Variants in THBS1 observed in about 807,000 individuals in gnomAD.
THBS1 encodes thrombospondin 1.
Under a neutral mutation model 126.1 loss-of-function variants are expected in THBS1, and 29 were observed. The observed-to-expected ratio is 0.23, with a 90% CI of 0.17 to 0.31. THBS1 has a LOEUF of 0.31. Among genes scored for constraint, THBS1 ranks in the 10% least tolerant of loss-of-function variants. The probability of loss-of-function intolerance (pLI) is 1.00; values close to 1 mark genes in which losing one functional copy is unlikely to be tolerated. For missense variants in THBS1, 1,198 were observed against 1,545.2 expected, an observed-to-expected ratio of 0.78 and a Z score of 3.77; for synonymous variants, 496 against 577.8, an observed-to-expected ratio of 0.86 and a Z score of 2.03.
chr15:39,586,827 A>G (rs1890216587), intron 7 of THBS1: 1 of 152,286 alleles, frequency 6.6e-6, no homozygotes, highest in African/African-American at 2.4e-5. Flanking sequence ...ATCAATGAAT[A>G]GGAGAGCATA....
chr15:39,582,263 C>T lies in THBS1; in HGVS notation c.138C>T (p.Arg46=). 6.2e-7 allele frequency: 1 copy of T among 1,614,142 alleles called. No individual in the cohort carries two copies. Among genetic ancestry groups the T allele is most frequent in the Non-Finnish European group, 8.5e-7 (1 of 1,180,016 alleles). ...LTGAARKGSG[R]RLVKGPDPSS... ...GGGCCGCCCGCAAGGGGTCTGGGCG[C>T]CGACTGGTGAAGGGCCCCGACCCTT... The change falls in exon 3 of 22, where the codon CGC becomes CGT. Residue 46 remains arginine, a synonymous_variant. Transcript: ENST00000260356.
At position 39,588,073 on chromosome 15, in the gene THBS1, CCCGTGGT is replaced by C; in HGVS notation, c.1328_1334del (p.Pro443HisfsTer5). ...AGGATGGTGGCTGGAGCCACTGGTC[CCCGTGGT>C]CATCTTGTTCTGTGACATGTGGTGA... On this transcript the variant is annotated frameshift_variant, in exon 9 of 22. Transcript: ENST00000260356. LOFTEE classifies it high-confidence loss of function. 6.2e-7 allele frequency: 1 copy of C among 1,614,134 alleles called. No individual in the cohort carries two copies. Among genetic ancestry groups the C allele is most frequent in the Non-Finnish European group, 8.5e-7 (1 of 1,180,008 alleles).
At chr15:39,584,910 G>C (rs1010469222) in intron 6 of THBS1, among the ~76,000 whole-genome samples, 9 of 152,374 alleles carry the variant, frequency 5.9e-5, no homozygotes, top group Non-Finnish European at 1.3e-4. Context: ...CCGCATGCCA[G>C]TGGCCAGTGA....
Position 39,591,547 on chromosome 15 carries a change from T to A in THBS1, c.2456T>A (p.Val819Glu). The A allele has an allele frequency of 6.2e-7, 1 of 1,614,238 alleles. No individual in the cohort carries two copies. Among genetic ancestry groups the A allele is most frequent in the Middle Eastern group, 1.6e-4 (1 of 6,062 alleles). ...ERDNCQYVYN[V>E]DQRDTDMDGV... ...GACAACTGCCAGTACGTCTACAATGTGGACCAGAGAGACACTGATATGGAT... is the reference window on the plus strand; with the variant it reads ...GACAACTGCCAGTACGTCTACAATGAGGACCAGAGAGACACTGATATGGAT... The change falls in exon 16 of 22, where the codon GTG becomes GAG. Residue 819 changes from valine to glutamate, a missense_variant. By Grantham distance (121) the Val-to-Glu change is moderately radical. Coordinates refer to ENST00000260356, the MANE Select transcript of THBS1 (RefSeq NM_003246.4).
At chr15:39,587,258 C>G (rs1299036081) in intron 7 of THBS1, 89 bp from the exon 8 acceptor site, 1 of 1,335,522 alleles carries the variant, frequency 7.5e-7, no homozygotes, top group Non-Finnish European at 1.0e-6. Flanking sequence ...TTTTCACCCT[C>G]TGGCAAGTGG....
intron 7 of THBS1, chr15:39,586,852 T>TCAGCTGTACTGAGCCAGG (rs1462938715): frequency 6.6e-6 from 1 of 152,350 alleles, no homozygotes; most frequent in Non-Finnish European, 1.5e-5. Flanking sequence ...GTGGGAAGGC[T>TCAGCTGTACTGAGCCAGG]CAGCTGTACT....
At position 39,589,148 on chromosome 15, in the gene THBS1, C is replaced by T. The variant is rs1890275339; in HGVS notation, c.1774-54C>T. 2 of 1,612,778 alleles carry T rather than the reference C, an allele frequency of 1.2e-6. No individual in the cohort carries two copies. Among genetic ancestry groups the T allele is most frequent in the Non-Finnish European group, 1.7e-6 (2 of 1,178,872 alleles). ...GGAAAGCAGCTAACCTGTGCAGTCG[C>T]TTCCTTATGGCAGTGACTTCTAAAC... On this transcript the variant is annotated intron_variant, in intron 11 of 21. Coordinates refer to ENST00000260356, the MANE Select transcript of THBS1 (RefSeq NM_003246.4). This position sits in a 1 kb window ranked among gnomAD's most constrained non-coding sequence, Gnocchi z 4.7.
In THBS1 at chr15:39,585,467, C is replaced by T; in HGVS notation, c.1027-3C>T. Reference sequence around the variant, plus strand: ...GTTCCCCTCTCACTCTCTTGCCCTGCAGAACTCAGTTACCATCTGCAAAAA... The same window carrying T: ...GTTCCCCTCTCACTCTCTTGCCCTGTAGAACTCAGTTACCATCTGCAAAAA... On this transcript the variant is annotated splice_region_variant and splice_polypyrimidine_tract_variant and intron_variant, in intron 6 of 21. Coordinates refer to ENST00000260356, the MANE Select transcript of THBS1 (RefSeq NM_003246.4). The T allele has an allele frequency of 6.2e-7, 1 of 1,613,924 alleles. No homozygotes were observed. Among genetic ancestry groups the T allele is most frequent in the Admixed American group, 1.7e-5 (1 of 60,032 alleles).
rs575015669 is a variant in THBS1 at position 39,598,296 on chromosome 15, A to T, written c.*2927A>T. The T allele has an allele frequency of 1.4e-4, 21 of 152,346 alleles. No individual in the cohort carries two copies. The highest frequency in any genetic ancestry group is 4.8e-4 in the African/African-American group (20 of 41,584). 9.4% of individuals were successfully genotyped at this position (152,346 alleles called of 1,614,324 possible). A position where few individuals can be genotyped will look rare whatever the true frequency, so the allele number is the denominator to read the frequency against. On this transcript the variant is annotated 3_prime_UTR_variant, in exon 22 of 22. Coordinates refer to ENST00000260356, the MANE Select transcript of THBS1 (RefSeq NM_003246.4). Reference sequence around the variant, plus strand: ...ATCTTCCTTGTTGATTTTCACTCTCATTCTATAAATACTCATCTTTCTGAG... The same window carrying T: ...ATCTTCCTTGTTGATTTTCACTCTCTTTCTATAAATACTCATCTTTCTGAG...
At chr15:39,582,793 G>C in intron 3 of THBS1, 41 bp downstream of exon 3, 1 of 1,555,326 alleles carries the variant, frequency 6.4e-7, no homozygotes, top group Non-Finnish European at 8.7e-7. Context: ...GGGATCATCT[G>C]CTAGACAGGT....
Position 39,583,620 on chromosome 15 carries a change from G to C in THBS1, c.631G>C (p.Val211Leu). 6.2e-7 allele frequency: 1 copy of C among 1,613,824 alleles called. No homozygotes were observed. Among genetic ancestry groups the C allele is most frequent in the Non-Finnish European group, 8.5e-7 (1 of 1,179,852 alleles). ...AATGTGTGTCCTCTGCCCACAGGGGGTGCTGCAGAATGTGAGGTTTGTCTT... is the reference window on the plus strand; with the variant it reads ...AATGTGTGTCCTCTGCCCACAGGGGCTGCTGCAGAATGTGAGGTTTGTCTT... ...KGGVNDNFQG[V>L]LQNVRFVFGT... is the part of the protein sequence containing the mutation. Residue 211 changes from valine (V) to leucine (L), a missense_variant, in exon 4 of 22, where the codon GTG (valine) becomes CTG (leucine). Coordinates refer to ENST00000260356, the MANE Select transcript of THBS1 (RefSeq NM_003246.4).
Position 39,593,881 on chromosome 15 carries a change from C to T in THBS1, c.3267+213C>T, listed in dbSNP as rs1890379234. 4 of 920,748 alleles carry T rather than the reference C, an allele frequency of 4.3e-6. No individual in the cohort carries two copies. The highest frequency in any genetic ancestry group is 1.8e-5 in the South Asian group (1 of 55,398). 57.0% of individuals were successfully genotyped at this position (920,748 alleles called of 1,614,324 possible). A position where few individuals can be genotyped will look rare whatever the true frequency, so the allele number is the denominator to read the frequency against. On this transcript the variant is annotated intron_variant, in intron 19 of 21. Coordinates refer to ENST00000260356, the MANE Select transcript of THBS1 (RefSeq NM_003246.4). This position sits in a 1 kb window ranked among gnomAD's most constrained non-coding sequence, Gnocchi z 5.9. ...CTGCAAATCCTAAGGTGCCTTCAGC[C>T]TTTTCAAACAAAAAAACCTCCTTCC...
Position 39,593,018 on chromosome 15 carries a change from C to T in THBS1, c.2786C>T (p.Ala929Val), listed in dbSNP as rs757276270. 6.2e-7 allele frequency: 1 copy of T among 1,613,154 alleles called. No individual in the cohort carries two copies. The highest frequency in any genetic ancestry group is 2.2e-5 in the East Asian group (1 of 44,878). ...ACCTCAGGCGATGGTCGAGGTGATG[C>T]CTGCAAAGATGATTTTGACCATGAC... ...KDSDGDGRGD[A>V]CKDDFDHDSV... Residue 929 changes from alanine (A) to valine (V), a missense_variant, in exon 18 of 22, where the codon GCC (alanine) becomes GTC (valine). By Grantham distance (64) the Ala-to-Val change is moderately conservative. Transcript: ENST00000260356. The surrounding 1 kb of genome is among the most constrained non-coding windows in gnomAD (Gnocchi z 5.9).
At chr15:39,590,082 A>G in intron 13 of THBS1, 59 bp downstream of exon 13, 6 of 1,380,146 alleles carry the variant, frequency 4.3e-6, no homozygotes, top group Non-Finnish European at 5.8e-6. Flanking sequence ...ATCAAAACAC[A>G]GGCTAAGGAA....
chr15:39,594,532 C>T lies in THBS1; in HGVS notation c.3505+92C>T, dbSNP rs1595514056. ...GTTATGGGGGAGTCCAGTGTAAAGA[C>T]TGTTTTGGAGACAGGGTTATTTCTA... On this transcript the variant is annotated intron_variant, in intron 21 of 21. Transcript: ENST00000260356. The surrounding 1 kb of genome is among the most constrained non-coding windows in gnomAD (Gnocchi z 4.4). 1 of 1,513,490 alleles carries T rather than the reference C, an allele frequency of 6.6e-7. No individual in the cohort carries two copies. 93.8% of individuals were successfully genotyped at this position (1,513,490 alleles called of 1,614,324 possible). A position where few individuals can be genotyped will look rare whatever the true frequency, so the allele number is the denominator to read the frequency against.
In THBS1 at chr15:39,599,032, C is replaced by G. The variant is rs979028531; in HGVS notation, c.*3663C>G. On this transcript the variant is annotated 3_prime_UTR_variant, in exon 22 of 22. Coordinates refer to ENST00000260356, the MANE Select transcript of THBS1 (RefSeq NM_003246.4). ...TGCCTCCCCGGTTCAAGCAATTCTC[C>G]CTCCTGCCTCAGCCTCCCAAGTAGC... 18 of 152,106 alleles carry G rather than the reference C, an allele frequency of 1.2e-4. No individual in the cohort carries two copies. The highest frequency in any genetic ancestry group is 4.1e-4 in the African/African-American group (17 of 41,398). The allele number at this position is 152,106 out of a possible 1,614,324, so 9.4% of individuals were successfully genotyped here. A position where few individuals can be genotyped will look rare whatever the true frequency, so the allele number is the denominator to read the frequency against.
chr15:39,590,701 A>G, intron 14 of THBS1, 78 bp downstream of exon 14: 1 of 1,119,304 alleles, frequency 8.9e-7, no homozygotes, highest in African/African-American at 1.5e-5. Context: ...CAAGGAAATT[A>G]CATGGCTATA....
rs918532247 is a variant in THBS1, at chr15:39,590,157, T to C, written c.2145+134T>C. On this transcript the variant is annotated intron_variant, in intron 13 of 21. Coordinates refer to ENST00000260356, the MANE Select transcript of THBS1 (RefSeq NM_003246.4). ...AAATCTCCCAAAGGGAGAGGGGCAC[T>C]AATTCCTATTAAAATTAAATCACTT... 10 of 865,684 alleles carry C rather than the reference T, an allele frequency of 1.2e-5. No individual in the cohort carries two copies. In the Admixed American group the frequency reaches 3.0e-4, roughly 26 times the overall value. 53.6% of individuals were successfully genotyped at this position (865,684 alleles called of 1,614,324 possible). A position where few individuals can be genotyped will look rare whatever the true frequency, so the allele number is the denominator to read the frequency against.
In THBS1 at chr15:39,589,382, A is replaced by C; in HGVS notation, c.1926+28A>C. Reference sequence around the variant, plus strand: ...ACAGTCAACTAGACGAGTAAACCAGAGGACAGGAGAGCTGTCCTTGACCAA... The same window carrying C: ...ACAGTCAACTAGACGAGTAAACCAGCGGACAGGAGAGCTGTCCTTGACCAA... On this transcript the variant is annotated intron_variant, in intron 12 of 21. Coordinates refer to ENST00000260356, the MANE Select transcript of THBS1 (RefSeq NM_003246.4). This position sits in a 1 kb window ranked among gnomAD's most constrained non-coding sequence, Gnocchi z 4.7. The C allele has an allele frequency of 6.2e-7, 1 of 1,612,600 alleles. No individual in the cohort carries two copies. Among genetic ancestry groups the C allele is most frequent in the Non-Finnish European group, 8.5e-7 (1 of 1,179,438 alleles).
Sources: gnomAD v4.1 joint callset for allele counts (sites outside exome capture counted in the v4.1 genomes callset) on GRCh38, gnomAD v4.1.1 for gene constraint, Gnocchi (gnomAD v3.1) non-coding constraint, MANE v1.5 for transcripts, NCBI Gene and HGNC (gene_info 2026-07-23, HGNC 2026-07-21) for gene names.